METTL15: variants seen among roughly 807,000 people sequenced by gnomAD.
METTL15 encodes 12S rRNA N(4)-cytidine methyltransferase METTL15.
A neutral mutation model predicts 38.3 loss-of-function variants in METTL15; 34 were observed. That is an observed-to-expected ratio of 0.89 (90% CI 0.68 to 1.18). The LOEUF is 1.18. Ranked by LOEUF, METTL15 falls within the 50% of genes most tolerant of loss-of-function variation. METTL15 has a pLI of 0.00. For synonymous variants in METTL15, 162 were observed against 170.9 expected, an observed-to-expected ratio of 0.95 and a Z score of 0.41; for missense variants, 438 against 498.4, an observed-to-expected ratio of 0.88 and a Z score of 1.15.
chr11:28,505,697 G>A (rs1851622552), intron 6 of METTL15, among the ~76,000 whole-genome samples: 1 of 152,184 alleles, frequency 6.6e-6, no homozygotes, highest in South Asian at 2.1e-4. Flanking sequence ...GAAATCGCTG[G>A]TAGTTGCTGG....
At chr11:28,347,341 G>A (rs1402222213) in intron 3 of METTL15, among the ~76,000 whole-genome samples, 1 of 152,188 alleles carries the variant, frequency 6.6e-6, no homozygotes, top group Non-Finnish European at 1.5e-5. Context: ...TACTTTGGCT[G>A]AAGGATTCAT....
chr11:28,352,774 G>A (rs982167123), intron 4 of METTL15, among the ~76,000 whole-genome samples: 4 of 152,124 alleles, frequency 2.6e-5, no homozygotes, highest in South Asian at 2.1e-4. Context: ...CTCATTGAGG[G>A]AGGAAAGATA....
intron 6 of METTL15, among the ~76,000 whole-genome samples, chr11:28,452,175 C>T (rs563308899): frequency 1.3e-5 from 2 of 152,206 alleles, no homozygotes; most frequent in Non-Finnish European, 2.9e-5. Context: ...TGGAGAGAGC[C>T]GTTTGGAATA....
chr11:28,212,891 C>G (rs1033380632), intron 4 of METTL15, among the ~76,000 whole-genome samples: 8 of 152,144 alleles, frequency 5.3e-5, no homozygotes, highest in African/African-American at 1.9e-4. Flanking sequence ...TTCAGTGGCT[C>G]TTATTCCTTT....
chr11:28,412,229 G>A lies in METTL15; in HGVS notation c.*359-12070G>A, dbSNP rs145834262. On this transcript the variant is annotated intron_variant and NMD_transcript_variant, in intron 5 of 7. Transcript: ENST00000532947. ...AATAAAACTACCTTATGACTCAGCA[G>A]TCTGTCTTCTGGGTATATACCCAAA... Among the ~76,000 whole-genome samples the A allele has an allele frequency of 7.6e-3, 1,155 of 152,052 alleles. 73 individuals are homozygous for A. The highest frequency in any genetic ancestry group is 0.067 in the Admixed American group (1,019 of 15,248).
chr11:28,418,781 A>C (rs1850795330), intron 5 of METTL15, among the ~76,000 whole-genome samples: 1 of 152,174 alleles, frequency 6.6e-6, no homozygotes, highest in Non-Finnish European at 1.5e-5. Context: ...GGGCAGGCAA[A>C]GTGCAGTGAA....
chr11:28,470,223 T>C (rs1281422199), intron 6 of METTL15, among the ~76,000 whole-genome samples: 1 of 152,154 alleles, frequency 6.6e-6, no homozygotes, highest in East Asian at 1.9e-4. Context: ...CCTTGCTCAG[T>C]CCTCTTACCC....
At chr11:28,338,771 T>C (rs567178140) in intron 3 of METTL15, among the ~76,000 whole-genome samples, 1 of 152,228 alleles carries the variant, frequency 6.6e-6, no homozygotes, top group East Asian at 1.9e-4. Flanking sequence ...AAAATTGACT[T>C]CAAATTACAA....
chr11:28,450,413 T>A (rs948412713), intron 6 of METTL15, among the ~76,000 whole-genome samples: 1 of 152,270 alleles, frequency 6.6e-6, no homozygotes, highest in Non-Finnish European at 1.5e-5. Flanking sequence ...AAATTTTCTT[T>A]TTCTAATCTG....
At chr11:28,469,415 T>G (rs1369621740) in intron 6 of METTL15, among the ~76,000 whole-genome samples, 2 of 152,200 alleles carry the variant, frequency 1.3e-5, no homozygotes, top group Non-Finnish European at 2.9e-5. Context: ...TTTTTTGTTG[T>G]ATGGTGAGAA....
chr11:28,477,737 C>A (rs1224217967), intron 6 of METTL15, among the ~76,000 whole-genome samples: 3 of 152,118 alleles, frequency 2.0e-5, no homozygotes, highest in Non-Finnish European at 4.4e-5. Flanking sequence ...TGGAGTCAAT[C>A]TTGAGGCCGT....
intron 5 of METTL15, among the ~76,000 whole-genome samples, chr11:28,362,315 T>C (rs1288111218): frequency 6.6e-6 from 1 of 152,184 alleles, no homozygotes; most frequent in Non-Finnish European, 1.5e-5. Context: ...CATTAAAACC[T>C]ACTGCTTTCT....
intron 5 of METTL15, among the ~76,000 whole-genome samples, chr11:28,363,019 A>G (rs1167409529): frequency 1.3e-5 from 2 of 152,008 alleles, no homozygotes; most frequent in East Asian, 3.9e-4. Context: ...ACCAACATCT[A>G]TTGTTGTTTG....
chr11:28,485,974 G>T (rs555167535), intron 6 of METTL15, among the ~76,000 whole-genome samples: 1 of 152,084 alleles, frequency 6.6e-6, no homozygotes, highest in African/African-American at 2.4e-5. Flanking sequence ...ATTAGGACCC[G>T]ACTCTTAAGA....
At chr11:28,266,965 G>T in intron 4 of METTL15, among the ~76,000 whole-genome samples, 1 of 151,956 alleles carries the variant, frequency 6.6e-6, no homozygotes, top group Non-Finnish European at 1.5e-5. Flanking sequence ...TTCGAGACCA[G>T]CCTGGCCAAC....
At chr11:28,217,918 A>G (rs1164205230) in intron 4 of METTL15, among the ~76,000 whole-genome samples, 1 of 152,018 alleles carries the variant, frequency 6.6e-6, no homozygotes, top group Non-Finnish European at 1.5e-5. Flanking sequence ...TTTGGTCTAT[A>G]TCTCTGTTTT....
intron 4 of METTL15, among the ~76,000 whole-genome samples, chr11:28,243,038 C>G (rs1854365124): frequency 6.7e-6 from 1 of 150,372 alleles, no homozygotes; most frequent in South Asian, 2.1e-4. Flanking sequence ...TAATGAGAGA[C>G]CTTATTGAGG....
chr11:28,388,638 T>A (rs1424522001), intron 5 of METTL15, among the ~76,000 whole-genome samples: 1 of 152,128 alleles, frequency 6.6e-6, no homozygotes, highest in Admixed American at 6.6e-5. Flanking sequence ...ACTTAAGTAT[T>A]CTACAGACTC....
At chr11:28,388,519 A>G (rs1045565333) in intron 5 of METTL15, among the ~76,000 whole-genome samples, 2 of 152,182 alleles carry the variant, frequency 1.3e-5, no homozygotes, top group Non-Finnish European at 1.5e-5. Context: ...AATACTTTAC[A>G]CTGAAAACTA....
Sources: allele counts gnomAD v4.1 joint callset (sites outside exome capture counted in the v4.1 genomes callset), GRCh38; gene constraint gnomAD v4.1.1; transcripts MANE v1.5; gene names NCBI Gene and HGNC (gene_info 2026-07-23, HGNC 2026-07-21).